KAZN: variants seen among roughly 807,000 people sequenced by gnomAD.
KAZN encodes kazrin, periplakin interacting protein, also known as kazrin.
Under a neutral mutation model 87.4 loss-of-function variants are expected in KAZN, and 40 were observed. The ratio of observed to expected loss-of-function variants is 0.46; its 90% confidence interval spans 0.36 to 0.60. The LOEUF (loss-of-function observed/expected upper bound fraction) is 0.60, where lower values mean the gene tolerates loss of function less well. Among genes scored for constraint, KAZN ranks in the 20% least tolerant of loss-of-function variants. The probability of loss-of-function intolerance (pLI) is 0.00; values close to 1 mark genes in which losing one functional copy is unlikely to be tolerated. For missense variants in KAZN, 898 were observed against 1,073.9 expected (o/e 0.84, Z 2.29); for synonymous variants, 466 against 458.3 (o/e 1.02, Z -0.22).
At chr1:15,109,662 T>C (rs968651898) in intron 13 of KAZN, among the ~76,000 whole-genome samples, 1 of 2,074 alleles carries the variant, frequency 4.8e-4, no homozygotes, top group Non-Finnish European at 8.4e-4. Context: ...TTTGTGTATG[T>C]GTTTATATGT....
intron 1 of KAZN, among the ~76,000 whole-genome samples, chr1:14,634,383 GA>G (rs1179414310): frequency 6.6e-6 from 1 of 152,178 alleles, no homozygotes; most frequent in Non-Finnish European, 1.5e-5. Context: ...CGTACACGGA[GA>G]ATCTGTCTTT....
intron 2 of KAZN, among the ~76,000 whole-genome samples, chr1:14,514,621 A>ATATTT (rs1557770581): frequency 6.9e-5 from 3 of 43,740 alleles, no homozygotes; most frequent in Non-Finnish European, 9.5e-5. Context: ...ATATATATAT[A>ATATTT]TATATATATA....
At chr1:14,331,291 G>A (rs1180455326) in intron 2 of KAZN, among the ~76,000 whole-genome samples, 6 of 152,118 alleles carry the variant, frequency 3.9e-5, no homozygotes, top group African/African-American at 1.4e-4. Flanking sequence ...CCCACCCCTA[G>A]GCTGTGATAT....
At chr1:14,652,054 G>A (rs181277615) in intron 1 of KAZN, among the ~76,000 whole-genome samples, 10 of 152,322 alleles carry the variant, frequency 6.6e-5, no homozygotes, top group Non-Finnish European at 1.2e-4. Context: ...AATGAGGTCT[G>A]TACAGGGCAG....
chr1:14,279,251 C>T (rs148335545), intron 2 of KAZN, among the ~76,000 whole-genome samples: 85 of 152,220 alleles, frequency 5.6e-4, no homozygotes, highest in African/African-American at 2.0e-3. Flanking sequence ...TCCTTTATCC[C>T]AAATTCACCA....
intron 1 of KAZN, among the ~76,000 whole-genome samples, chr1:14,726,085 T>A (rs1178416485): frequency 6.6e-6 from 1 of 152,228 alleles, no homozygotes; most frequent in Admixed American, 6.5e-5. Context: ...GGAGGAGTCC[T>A]GATGCCAGCC....
chr1:15,112,421 CTT>C lies in KAZN; in HGVS notation c.2049-5_2049-4del, dbSNP rs764296050. 14 of 1,576,444 alleles carry C rather than the reference CTT, an allele frequency of 8.9e-6. 1 individual carries two copies. In the South Asian group the frequency reaches 1.5e-4, roughly 17 times the overall value. On this transcript the variant is annotated splice_polypyrimidine_tract_variant and splice_region_variant and intron_variant, in intron 13 of 14. Transcript: ENST00000376030. ...CCCTGCTGACTCAAAATGGTCCTCTCTTCAGCTCCACAGGCATCCGGGAGGCT... is the reference window on the plus strand; with the variant it reads ...CCCTGCTGACTCAAAATGGTCCTCTCCAGCTCCACAGGCATCCGGGAGGCT...
At chr1:14,813,579 C>G (rs552307639) in intron 1 of KAZN, among the ~76,000 whole-genome samples, 15 of 152,310 alleles carry the variant, frequency 9.8e-5, no homozygotes, top group African/African-American at 3.6e-4. Context: ...TGTCCTCACC[C>G]ACCGCTGCCT....
chr1:14,018,225 C>G (rs1328565525), intron 1 of KAZN, among the ~76,000 whole-genome samples: 1 of 152,140 alleles, frequency 6.6e-6, no homozygotes, highest in African/African-American at 2.4e-5. Context: ...CCTTTACACT[C>G]AGTTTTTCTA....
Position 14,960,839 on chromosome 1 carries a change from G to A in KAZN, c.382G>A (p.Glu128Lys). 6.2e-7 allele frequency: 1 copy of A among 1,612,444 alleles called. No individual in the cohort carries two copies. The highest frequency in any genetic ancestry group is 1.1e-5 in the South Asian group (1 of 90,938). The change falls in exon 2 of 15, where the codon GAG becomes AAG. Residue 128 changes from glutamate to lysine, a missense_variant. Glu to Lys is a moderately conservative substitution (Grantham distance 56, BLOSUM62 1). This residue lies in a region of KAZN where 250 missense variants were observed against 263.0 expected (regional missense o/e 0.95). Coordinates refer to ENST00000376030, the MANE Select transcript of KAZN (RefSeq NM_201628.3). ...GCTCAGGGTCCAGCTGGCCCAGAAG[G>A]AGCAGGAGCTAGCCAGAGCCAAAGA... ...TELRVQLAQK[E>K]QELARAKEAL...
intron 1 of KAZN, among the ~76,000 whole-genome samples, chr1:14,790,818 G>A (rs1267750389): frequency 3.3e-5 from 5 of 152,210 alleles, no homozygotes; most frequent in East Asian, 1.9e-4. Flanking sequence ...TCAGCCTCCC[G>A]AGTAGCTGGA....
At chr1:14,827,596 G>A (rs1002188467) in intron 1 of KAZN, among the ~76,000 whole-genome samples, 10 of 152,216 alleles carry the variant, frequency 6.6e-5, no homozygotes, top group African/African-American at 2.2e-4. Context: ...GCTGAGCTGG[G>A]TTCAAGAGGA....
intron 2 of KAZN, among the ~76,000 whole-genome samples, chr1:14,517,032 G>A (rs1195229439): frequency 6.6e-6 from 1 of 152,030 alleles, no homozygotes; most frequent in Non-Finnish European, 1.5e-5. Flanking sequence ...CTCACTGGCA[G>A]GTCACAGTGG....
chr1:14,012,914 A>G (rs191368674), intron 1 of KAZN, among the ~76,000 whole-genome samples: 34 of 152,250 alleles, frequency 2.2e-4, no homozygotes, highest in Middle Eastern at 3.4e-3. Context: ...CTCCTTTACA[A>G]TTAAGTTAGG....
chr1:14,229,715 C>T (rs769067879), intron 2 of KAZN, among the ~76,000 whole-genome samples: 2 of 152,236 alleles, frequency 1.3e-5, no homozygotes, highest in Non-Finnish European at 2.9e-5. Context: ...GAGAGGAATC[C>T]GCACTTGAGG....
At chr1:14,567,610 T>A (rs578218256) in intron 2 of KAZN, among the ~76,000 whole-genome samples, 1 of 152,346 alleles carries the variant, frequency 6.6e-6, no homozygotes, top group African/African-American at 2.4e-5. Flanking sequence ...TTGAACTGCT[T>A]AAATATTTTT....
intron 1 of KAZN, among the ~76,000 whole-genome samples, chr1:14,614,527 C>G (rs963568781): frequency 5.9e-5 from 9 of 152,216 alleles, no homozygotes; most frequent in Admixed American, 5.9e-4. Context: ...TGAGGCTGGA[C>G]CCAGCCTGGG....
intron 2 of KAZN, among the ~76,000 whole-genome samples, chr1:14,416,862 G>A (rs565158919): frequency 6.6e-6 from 1 of 152,176 alleles, no homozygotes; most frequent in South Asian, 2.1e-4. Context: ...GGCTGAGGCA[G>A]GAAGATCACT....
intron 3 of KAZN, among the ~76,000 whole-genome samples, chr1:15,036,635 G>C (rs765024460): frequency 5.8e-4 from 89 of 152,204 alleles, no homozygotes; most frequent in Admixed American, 1.0e-3. Flanking sequence ...CTTAGGGTGA[G>C]GCTGTCTCAG....
Sources: gnomAD v4.1 joint callset for allele counts (sites outside exome capture counted in the v4.1 genomes callset) on GRCh38, gnomAD v4.1.1 for gene constraint, gnomAD v4.1.1 regional missense constraint, MANE v1.5 for transcripts, NCBI Gene and HGNC (gene_info 2026-07-23, HGNC 2026-07-21) for gene names.